Variants in DISC1 observed in about 807,000 individuals in gnomAD.
The protein encoded by DISC1 is disrupted in schizophrenia 1 protein.
A neutral mutation model predicts 84.5 loss-of-function variants in DISC1; 57 were observed. That is an observed-to-expected ratio of 0.67 (90% CI 0.55 to 0.84). The LOEUF is 0.84. DISC1 is among the 40% of genes least tolerant of loss of function. DISC1 has a pLI of 0.00. For synonymous variants in DISC1, 411 were observed against 415.2 expected, an observed-to-expected ratio of 0.99 and a Z score of 0.12; for missense variants, 1,000 against 1,057.8, an observed-to-expected ratio of 0.95 and a Z score of 0.76.
At chr1:231,802,531 C>A (rs1177387933) in intron 8 of DISC1, among the ~76,000 whole-genome samples, 1 of 152,146 alleles carries the variant, frequency 6.6e-6, no homozygotes, top group Non-Finnish European at 1.5e-5. Context: ...CTAATACATC[C>A]ATCCTGACTT....
At position 231,897,675 on chromosome 1, in the gene DISC1, T is replaced by C. The variant is rs2087813986; in HGVS notation, c.1982-61153T>C. Among the ~76,000 whole-genome samples, 1 of 152,210 alleles carries C rather than the reference T, an allele frequency of 6.6e-6. No individual in the cohort carries two copies. Among genetic ancestry groups the C allele is most frequent in the South Asian group, 2.1e-4 (1 of 4,828 alleles). On this transcript the variant is annotated intron_variant, in intron 9 of 12. Transcript: ENST00000439617. The surrounding 1 kb of genome is among the most constrained non-coding windows in gnomAD (Gnocchi z 4.5). ...CCATCTGATTTTGAGCTGGTCACCG[T>C]GTGCTGTTGTAGTAACAGGGCCTCC...
At chr1:231,766,573 A>G (rs1487444981) in intron 4 of DISC1, among the ~76,000 whole-genome samples, 6 of 152,228 alleles carry the variant, frequency 3.9e-5, no homozygotes, top group Non-Finnish European at 7.3e-5. Context: ...AAATGAGCAG[A>G]GGAAGGGTGG....
intron 7 of DISC1, among the ~76,000 whole-genome samples, chr1:231,796,210 C>T (rs1389255214): frequency 1.3e-5 from 2 of 152,118 alleles, no homozygotes; most frequent in African/African-American, 4.8e-5. Context: ...TGTATTTATA[C>T]CTGGCCAAGT....
At chr1:231,783,926 A>G (rs1206724228) in intron 6 of DISC1, among the ~76,000 whole-genome samples, 1 of 152,018 alleles carries the variant, frequency 6.6e-6, no homozygotes, top group Non-Finnish European at 1.5e-5. Flanking sequence ...TTATGATATG[A>G]GTTACATGGG....
chr1:232,009,961 G>A lies in DISC1; in HGVS notation c.2307+912G>A, dbSNP rs1263420210. ...CCAGGACTCACCACTGGTGGGTGGG[G>A]AAATTGCCACCTCCCCAGGCCAGCC... On this transcript the variant is annotated intron_variant, in intron 11 of 12. Transcript: ENST00000439617. This position sits in a 1 kb window ranked among gnomAD's most constrained non-coding sequence, Gnocchi z 4.6. 6.6e-6 allele frequency among the ~76,000 whole-genome samples: 1 copy of A among 152,120 alleles called. No individual in the cohort carries two copies. Among genetic ancestry groups the A allele is most frequent in the Non-Finnish European group, 1.5e-5 (1 of 68,032 alleles).
intron 8 of DISC1, among the ~76,000 whole-genome samples, chr1:231,803,529 T>C (rs1329115447): frequency 6.6e-6 from 1 of 152,100 alleles, no homozygotes; most frequent in African/African-American, 2.4e-5. Context: ...GCTTCCAAAC[T>C]CATGCATGTG....
chr1:231,635,624 A>G (rs1027559621), intron 1 of DISC1, among the ~76,000 whole-genome samples: 1 of 152,210 alleles, frequency 6.6e-6, no homozygotes, highest in African/African-American at 2.4e-5. Flanking sequence ...TCACTGGATT[A>G]GACCAAACTC....
intron 9 of DISC1, among the ~76,000 whole-genome samples, chr1:231,828,675 C>G (rs182868809): frequency 6.6e-6 from 1 of 152,226 alleles, no homozygotes; most frequent in East Asian, 1.9e-4. Context: ...TATAACAGAG[C>G]CCCTGGTTGC....
At chr1:232,028,198 C>A (rs1207504462) in intron 12 of DISC1, among the ~76,000 whole-genome samples, 2 of 152,074 alleles carry the variant, frequency 1.3e-5, no homozygotes, top group African/African-American at 4.8e-5. Context: ...TGGCTTCCAG[C>A]AAATGGGCAG....
At position 231,767,213 on chromosome 1, in the gene DISC1, T is replaced by G. The variant is rs1365568942; in HGVS notation, c.1342T>G (p.Leu448Val). ...GTTGGAACCCACTGCTCAGGACAGC[T>G]TGCACGTGTCCATCACGAGACGAGA... ...RLLEPTAQDS[L>V]HVSITRRDWL... The change falls in exon 5 of 13, where the codon TTG (leucine) becomes GTG (valine). Residue 448 changes from leucine to valine, a missense_variant. Transcript: ENST00000439617. 1 of 1,614,072 alleles carries G rather than the reference T, an allele frequency of 6.2e-7. No individual in the cohort carries two copies. Among genetic ancestry groups the G allele is most frequent in the Non-Finnish European group, 8.5e-7 (1 of 1,180,032 alleles).
chr1:231,664,959 A>C (rs1307298787), intron 1 of DISC1, among the ~76,000 whole-genome samples: 1 of 152,204 alleles, frequency 6.6e-6, no homozygotes, highest in Non-Finnish European at 1.5e-5. Flanking sequence ...TGTAGATACT[A>C]GTCTATTTTA....
intron 9 of DISC1, among the ~76,000 whole-genome samples, chr1:231,927,706 G>T (rs1349312372): frequency 1.3e-5 from 2 of 152,218 alleles, no homozygotes; most frequent in African/African-American, 4.8e-5. Context: ...TAAGTAAAGG[G>T]CCCTGATAAA....
rs374307815 is a variant in DISC1, at chr1:231,795,314, C to G, written c.1689+18C>G. 3 of 1,605,582 alleles carry G rather than the reference C, an allele frequency of 1.9e-6. No individual in the cohort carries two copies. In the Admixed American group the frequency reaches 5.0e-5, roughly 27 times the overall value. ...CTACTAAGGTAAGTACCTTTATATT[C>G]CCATTTTCCAAAGAAGCCTATGAAG... On this transcript the variant is annotated intron_variant, in intron 7 of 12. Coordinates refer to ENST00000439617, the MANE Select transcript of DISC1 (RefSeq NM_018662.3).
intron 8 of DISC1, among the ~76,000 whole-genome samples, chr1:231,807,605 A>G (rs1328395759): frequency 2.6e-5 from 4 of 152,266 alleles, no homozygotes; most frequent in South Asian, 2.1e-4. Context: ...TTCAGTGGGT[A>G]CGTCTGGTTT....
chr1:231,903,383 C>G (rs1188229335), intron 9 of DISC1, among the ~76,000 whole-genome samples: 1 of 152,090 alleles, frequency 6.6e-6, no homozygotes, highest in African/African-American at 2.4e-5. Flanking sequence ...ACAATTTAAC[C>G]CATTATAATC....
Position 231,749,978 on chromosome 1 carries a change from G to T in DISC1, c.1170G>T (p.Leu390=). Residue 390 remains leucine (L), a synonymous_variant, in exon 4 of 13, where the codon CTG becomes CTT. Transcript: ENST00000439617. Reference sequence around the variant, plus strand: ...ACCTGGAACAAGAGAAAATCAGCCTGCACTTTCAACTTCCTTCAAGGCAGC... The same window carrying T: ...ACCTGGAACAAGAGAAAATCAGCCTTCACTTTCAACTTCCTTCAAGGCAGC... ...LEDLEQEKIS[L]HFQLPSRQPA... 6.2e-7 allele frequency: 1 copy of T among 1,614,222 alleles called. No homozygotes were observed. Among genetic ancestry groups the T allele is most frequent in the Non-Finnish European group, 8.5e-7 (1 of 1,180,042 alleles).
At chr1:232,003,481 C>T (rs1224242570) in intron 10 of DISC1, among the ~76,000 whole-genome samples, 1 of 151,960 alleles carries the variant, frequency 6.6e-6, no homozygotes, top group Non-Finnish European at 1.5e-5. Flanking sequence ...ACCAATAAAA[C>T]TATGGGAGGA....
intron 3 of DISC1, among the ~76,000 whole-genome samples, chr1:231,731,021 G>T (rs527454594): frequency 3.3e-5 from 5 of 151,990 alleles, no homozygotes; most frequent in African/African-American, 1.2e-4. Context: ...GTGTAGGCAT[G>T]ATCTATCACA....
chr1:231,750,803 A>G (rs1007542229), intron 4 of DISC1, among the ~76,000 whole-genome samples: 1 of 152,174 alleles, frequency 6.6e-6, no homozygotes, highest in African/African-American at 2.4e-5. Context: ...CAGGTGTTTT[A>G]TGAATGCTAT....
Sources: allele counts gnomAD v4.1 joint callset (sites outside exome capture counted in the v4.1 genomes callset), GRCh38; gene constraint gnomAD v4.1.1; non-coding constraint Gnocchi (gnomAD v3.1); transcripts MANE v1.5; gene names NCBI Gene and HGNC (gene_info 2026-07-23, HGNC 2026-07-21).